The following TNPO2 variants were observed in gnomAD, a reference collection of about 807,000 sequenced individuals.
TNPO2 encodes the protein transportin 2.
A neutral mutation model predicts 111.1 loss-of-function variants in TNPO2; 16 were observed. The observed-to-expected ratio is 0.14, with a 90% confidence interval of 0.10 to 0.22. The LOEUF (loss-of-function observed/expected upper bound fraction) is 0.22, where lower values mean the gene tolerates loss of function less well. TNPO2 is among the 10% of genes least tolerant of loss of function. TNPO2 has a pLI of 1.00. For synonymous variants in TNPO2, 481 were observed against 475.8 expected, an observed-to-expected ratio of 1.01 and a Z score of -0.14; for missense variants, 530 against 1,173.7, an observed-to-expected ratio of 0.45 and a Z score of 8.01.
At chr19:12,720,782 G>C (rs1459148308) in intron 3 of TNPO2, 97 bp downstream of exon 3, 19 of 1,431,598 alleles carry the variant, frequency 1.3e-5, no homozygotes, top group Non-Finnish European at 1.7e-5. Context: ...AAAAAATCTG[G>C]GGACTAGGGG....
rs1568333293 is a variant in TNPO2 at position 12,706,461 on chromosome 19, G to C, written c.1497-94C>G. 1.3e-6 allele frequency: 2 copies of C among 1,574,248 alleles called. No individual in the cohort carries two copies. The highest frequency in any genetic ancestry group is 1.1e-5 in the South Asian group (1 of 90,182). ...GGGGAGGGCAACTCAGGATCAGCCA[G>C]TACGAATACGCGATAAATCAGTTCC... is the stretch of plus-strand genomic sequence containing the variant. On this transcript the variant is annotated intron_variant, in intron 14 of 25. Transcript: ENST00000425528. This position sits in a 1 kb window ranked among gnomAD's most constrained non-coding sequence, Gnocchi z 7.0.
At chr19:12,718,374 C>A (rs1310408649) in intron 5 of TNPO2, among the ~76,000 whole-genome samples, 1 of 152,152 alleles carries the variant, frequency 6.6e-6, no homozygotes, top group African/African-American at 2.4e-5. Context: ...ACCACATTGG[C>A]CAGGATGGTC....
At chr19:12,707,831 A>T (rs531647696) in intron 13 of TNPO2, among the ~76,000 whole-genome samples, 14 of 144,920 alleles carry the variant, frequency 9.7e-5, no homozygotes, top group Admixed American at 2.7e-4. Context: ...TATTATTATT[A>T]TTTTTTTGAG....
rs748279306 is a variant in TNPO2 at position 12,719,748 on chromosome 19, G to A, written c.100-412C>T. Among the ~76,000 whole-genome samples, 5 of 151,642 alleles carry A rather than the reference G, an allele frequency of 3.3e-5. No individual in the cohort carries two copies. Among genetic ancestry groups the A allele is most frequent in the Non-Finnish European group, 7.4e-5 (5 of 67,956 alleles). ...CAGCAGGTGAAGGTTGCAGTGAGCC[G>A]AGATTGCGCCTCTGCATTCCAGTCT... is the stretch of plus-strand genomic sequence containing the variant. On this transcript the variant is annotated intron_variant, in intron 3 of 25. Transcript: ENST00000425528. The surrounding 1 kb of genome is among the most constrained non-coding windows in gnomAD (Gnocchi z 5.0).
In TNPO2 at chr19:12,701,376, C is replaced by T. The variant is rs1308196704; in HGVS notation, c.2664G>A (p.Lys888=). 1.2e-6 allele frequency: 2 copies of T among 1,613,894 alleles called. No individual in the cohort carries two copies. The highest frequency in any genetic ancestry group is 2.7e-5 in the African/African-American group (2 of 74,934). ...QFSEQFPPLL[K]ERLAAFYGV ...CCCCATAGAAAGCCGCCAGCCTCTC[C>T]TTGAGCAGCGGCGGGAATTGCTCAG... Residue 888 remains lysine, a synonymous_variant, in exon 25 of 26, where the codon AAG becomes AAA. Coordinates refer to ENST00000425528, the MANE Select transcript of TNPO2 (RefSeq NM_001382241.1). The surrounding 1 kb of genome is among the most constrained non-coding windows in gnomAD (Gnocchi z 5.0).
chr19:12,716,609 G>C (rs887064217), intron 5 of TNPO2, among the ~76,000 whole-genome samples: 1 of 151,940 alleles, frequency 6.6e-6, no homozygotes, highest in Non-Finnish European at 1.5e-5. Flanking sequence ...CTGGGATGGA[G>C]CAAGACTCCA....
intron 13 of TNPO2, among the ~76,000 whole-genome samples, chr19:12,707,021 CAG>C (rs751532763): frequency 5.9e-4 from 90 of 152,192 alleles, no homozygotes; most frequent in Non-Finnish European, 7.1e-4. Context: ...TTTTTTGAGG[CAG>C]AGTCTCGCTC....
chr19:12,703,351 A>T, intron 20 of TNPO2, 77 bp downstream of exon 20: 1 of 1,345,436 alleles, frequency 7.4e-7, no homozygotes, highest in Non-Finnish European at 1.1e-6. Flanking sequence ...GGAAGCTGTC[A>T]GTCAGAGCTA....
chr19:12,714,408 G>A (rs1346130380), intron 10 of TNPO2, among the ~76,000 whole-genome samples: 1 of 151,674 alleles, frequency 6.6e-6, no homozygotes, highest in East Asian at 1.9e-4. Flanking sequence ...AGCCTCCTGG[G>A]TTCAAGCAAT....
chr19:12,715,022 C>T lies in TNPO2; in HGVS notation c.771+25G>A. On this transcript the variant is annotated intron_variant, in intron 9 of 25. Transcript: ENST00000425528. The surrounding 1 kb of genome is among the most constrained non-coding windows in gnomAD (Gnocchi z 7.1). ...TGCCACCGGCCCCCTGCCTGCCCGC[C>T]TGGGCTGGCCTTGACCATGCACACC... 6.4e-7 allele frequency: 1 copy of T among 1,572,162 alleles called. No individual in the cohort carries two copies. Among genetic ancestry groups the T allele is most frequent in the Non-Finnish European group, 8.6e-7 (1 of 1,160,532 alleles).
rs762115512 is a variant in TNPO2 at position 12,715,449 on chromosome 19, G to A, written c.522C>T (p.Ile174=). 6.2e-7 allele frequency: 1 copy of A among 1,613,908 alleles called. No homozygotes were observed. The highest frequency in any genetic ancestry group is 8.5e-7 in the Non-Finnish European group (1 of 1,179,868). The change falls in exon 7 of 26, where the codon ATC becomes ATT. Residue 174 remains isoleucine, a synonymous_variant. Coordinates refer to ENST00000425528, the MANE Select transcript of TNPO2 (RefSeq NM_001382241.1). This position sits in a 1 kb window ranked among gnomAD's most constrained non-coding sequence, Gnocchi z 7.1. ...GCTTGAAGAACTGCAGGAACTTGGG[G>A]ATCATGATGTTGAGGGGCCTGTTGA... ...DALNRPLNIM[I]PKFLQFFKHC...
rs1599409345 is a variant in TNPO2 at position 12,705,211 on chromosome 19, T to G, written c.2022+29A>C. On this transcript the variant is annotated intron_variant, in intron 18 of 25. Coordinates refer to ENST00000425528, the MANE Select transcript of TNPO2 (RefSeq NM_001382241.1). This position sits in a 1 kb window ranked among gnomAD's most constrained non-coding sequence, Gnocchi z 7.2. ...GGGGCAGCCCACGCAGGCTGCTGGG[T>G]GTCATCACTGTCCAGGGTCCCCACC... The G allele has an allele frequency of 6.3e-7, 1 of 1,586,284 alleles. No homozygotes were observed. Among genetic ancestry groups the G allele is most frequent in the South Asian group, 1.1e-5 (1 of 87,248 alleles).
At chr19:12,716,485 G>T (rs371328015) in intron 5 of TNPO2, among the ~76,000 whole-genome samples, 147 of 152,284 alleles carry the variant, frequency 9.7e-4, no homozygotes, top group African/African-American at 3.5e-3. Flanking sequence ...AATTAGCTGG[G>T]TGTGGTGGGG....
chr19:12,709,050 GAAA>G (rs953526498), intron 13 of TNPO2, among the ~76,000 whole-genome samples: 1 of 139,188 alleles, frequency 7.2e-6, no homozygotes, highest in African/African-American at 2.6e-5. Flanking sequence ...AAAAAAAAAA[GAAA>G]AAAAAAAGAG....
chr19:12,702,699 C>T lies in TNPO2; in HGVS notation c.2305+124G>A. ...TTGGGGCTTCTCCCAGTGACCCCTT[C>T]CAGGTACTTCCAGACACCCTCCTTG... On this transcript the variant is annotated intron_variant, in intron 21 of 25. Coordinates refer to ENST00000425528, the MANE Select transcript of TNPO2 (RefSeq NM_001382241.1). The surrounding 1 kb of genome is among the most constrained non-coding windows in gnomAD (Gnocchi z 5.5). The T allele has an allele frequency of 1.2e-6, 1 of 855,942 alleles. No individual in the cohort carries two copies. The highest frequency in any genetic ancestry group is 1.9e-6 in the Non-Finnish European group (1 of 522,070). 53.0% of individuals were successfully genotyped at this position (855,942 alleles called of 1,614,324 possible). A position where few individuals can be genotyped will look rare whatever the true frequency, so the allele number is the denominator to read the frequency against.
intron 10 of TNPO2, among the ~76,000 whole-genome samples, chr19:12,713,154 G>A (rs369492596): frequency 3.3e-5 from 5 of 152,176 alleles, no homozygotes; most frequent in South Asian, 2.1e-4. Context: ...CAACATTAAG[G>A]CAGGGACATG....
At chr19:12,703,342 G>A in intron 20 of TNPO2, 86 bp downstream of exon 20, 1 of 1,258,884 alleles carries the variant, frequency 7.9e-7, no homozygotes, top group Non-Finnish European at 1.1e-6. Context: ...TGCCTTGAAG[G>A]AAGCTGTCAG....
chr19:12,701,644 G>C lies in TNPO2; in HGVS notation c.2540C>G (p.Ala847Gly). Reference protein sequence around the residue: ...QDFIFFCDAVASWVSPKDDLR... With the variant: ...QDFIFFCDAVGSWVSPKDDLR... The stretch of plus-strand genomic sequence containing the variant: ...GTCATCCTTCGGGCTCACCCAGGAG[G>C]CTACAGCATCGCAGAAGAAAATAAA... The change falls in exon 24 of 26, where the codon GCC becomes GGC. Residue 847 changes from alanine (A) to glycine (G), a missense_variant. This residue lies in a region of TNPO2 where 103 missense variants were observed against 156.7 expected (regional missense o/e 0.66). Transcript: ENST00000425528. The surrounding 1 kb of genome is among the most constrained non-coding windows in gnomAD (Gnocchi z 5.0). 1 of 1,613,846 alleles carries C rather than the reference G, an allele frequency of 6.2e-7. No homozygotes were observed. The highest frequency in any genetic ancestry group is 8.5e-7 in the Non-Finnish European group (1 of 1,179,880).
Position 12,719,812 on chromosome 19 carries a change from A to AAAG in TNPO2, c.100-477_100-476insCTT, listed in dbSNP as rs1340024763. On this transcript the variant is annotated intron_variant, in intron 3 of 25. Coordinates refer to ENST00000425528, the MANE Select transcript of TNPO2 (RefSeq NM_001382241.1). This position sits in a 1 kb window ranked among gnomAD's most constrained non-coding sequence, Gnocchi z 5.0. ...AGACTCCATCTTGAAAAAAAAAAAA[A>AAAG]TCATACAAGGAGTTGGGTGGAAATG... Among the ~76,000 whole-genome samples, 45 of 151,528 alleles carry AAAG rather than the reference A, an allele frequency of 3.0e-4. No homozygotes were observed. Among genetic ancestry groups the AAAG allele is most frequent in the African/African-American group, 1.1e-3 (45 of 41,104 alleles).
Sources: allele counts gnomAD v4.1 joint callset (sites outside exome capture counted in the v4.1 genomes callset), GRCh38; gene constraint gnomAD v4.1.1; regional missense constraint gnomAD v4.1.1; non-coding constraint Gnocchi (gnomAD v3.1); transcripts MANE v1.5; gene names NCBI Gene and HGNC (gene_info 2026-07-23, HGNC 2026-07-21).